The following SH3RF3 variants were observed in gnomAD, a reference collection of about 807,000 sequenced individuals.
The protein encoded by SH3RF3 is SH3 domain containing ring finger 3.
SH3RF3 carries 29 observed loss-of-function variants against 66.3 expected under a neutral mutation model. That is an observed-to-expected ratio of 0.44 (90% CI 0.33 to 0.60). The LOEUF (loss-of-function observed/expected upper bound fraction) is 0.60, where lower values mean the gene tolerates loss of function less well. Ranked by LOEUF, SH3RF3 falls within the 20% of genes least tolerant of loss-of-function variation. The pLI, the probability that SH3RF3 is intolerant of heterozygous loss-of-function variation, is 0.04. For missense variants in SH3RF3, 1,194 were observed against 1,190.9 expected (o/e 1.00, Z -0.04); for synonymous variants, 583 against 532.0 (o/e 1.10, Z -1.32).
chr2:109,364,910 G>C (rs1316632369), intron 2 of SH3RF3, among the ~76,000 whole-genome samples: 1 of 152,168 alleles, frequency 6.6e-6, no homozygotes, highest in Non-Finnish European at 1.5e-5. Context: ...GGCCAACATG[G>C]TGAAACCTTG....
At chr2:109,241,540 T>C (rs186380709) in intron 1 of SH3RF3, among the ~76,000 whole-genome samples, 49 of 152,186 alleles carry the variant, frequency 3.2e-4, no homozygotes, top group African/African-American at 1.1e-3. Flanking sequence ...TAACCATCCG[T>C]CCTCCCTCCC....
chr2:109,163,838 A>G (rs543937776), intron 1 of SH3RF3, among the ~76,000 whole-genome samples: 6 of 152,330 alleles, frequency 3.9e-5, no homozygotes, highest in South Asian at 2.1e-4. Flanking sequence ...TGTGTTTTCC[A>G]TGATCTCTCT....
intron 3 of SH3RF3, among the ~76,000 whole-genome samples, chr2:109,381,745 A>C (rs1275715140): frequency 1.3e-5 from 2 of 152,128 alleles, no homozygotes; most frequent in East Asian, 3.9e-4. Flanking sequence ...AGTCTCTGAC[A>C]TGGAACGAAG....
intron 3 of SH3RF3, among the ~76,000 whole-genome samples, chr2:109,392,609 G>C (rs945499684): frequency 4.3e-4 from 66 of 152,174 alleles, no homozygotes; most frequent in African/African-American, 1.4e-3. Flanking sequence ...CCGCCTCGTG[G>C]GTTCACGCCA....
At chr2:109,221,769 A>G (rs892794235) in intron 1 of SH3RF3, among the ~76,000 whole-genome samples, 5 of 152,116 alleles carry the variant, frequency 3.3e-5, no homozygotes, top group African/African-American at 1.2e-4. Flanking sequence ...GAACATAAAT[A>G]AGGCAGCCAC....
intron 8 of SH3RF3, among the ~76,000 whole-genome samples, chr2:109,464,708 G>T (rs761341474): frequency 9.0e-4 from 137 of 152,246 alleles, no homozygotes; most frequent in Non-Finnish European, 1.3e-3. Flanking sequence ...AGAAAATGCA[G>T]AAAGTCCTCA....
intron 1 of SH3RF3, among the ~76,000 whole-genome samples, chr2:109,209,268 G>A (rs1230326157): frequency 6.6e-6 from 1 of 152,176 alleles, no homozygotes; most frequent in Non-Finnish European, 1.5e-5. Context: ...CACATTCAGA[G>A]ATTCCCTTGT....
chr2:109,170,728 G>T (rs1013982316), intron 1 of SH3RF3, among the ~76,000 whole-genome samples: 2 of 152,184 alleles, frequency 1.3e-5, no homozygotes, highest in Admixed American at 6.5e-5. Flanking sequence ...TATTTGTTGG[G>T]CATTGACCAT....
chr2:109,261,696 G>A (rs1230501705), intron 1 of SH3RF3, among the ~76,000 whole-genome samples: 1 of 152,184 alleles, frequency 6.6e-6, no homozygotes. Flanking sequence ...GACTCTTATT[G>A]AATTGGGTGT....
intron 1 of SH3RF3, among the ~76,000 whole-genome samples, chr2:109,306,488 A>G (rs1020243040): frequency 3.3e-5 from 5 of 152,166 alleles, no homozygotes; most frequent in African/African-American, 9.7e-5. Context: ...AGCAGGTGCC[A>G]TGGAGGGGCA....
At chr2:109,194,447 G>C (rs1471097706) in intron 1 of SH3RF3, among the ~76,000 whole-genome samples, 2 of 152,232 alleles carry the variant, frequency 1.3e-5, no homozygotes, top group Non-Finnish European at 2.9e-5. Context: ...GCTGGCTGAT[G>C]GCAGCTGTGT....
intron 2 of SH3RF3, among the ~76,000 whole-genome samples, chr2:109,351,604 T>C (rs1682839944): frequency 6.6e-6 from 1 of 152,248 alleles, no homozygotes; most frequent in South Asian, 2.1e-4. Context: ...GGGCCCACGC[T>C]GCTTTTCATG....
chr2:109,321,056 T>C (rs558069236), intron 1 of SH3RF3, among the ~76,000 whole-genome samples: 2 of 152,228 alleles, frequency 1.3e-5, no homozygotes, highest in Admixed American at 1.3e-4. Context: ...TGATAACTTA[T>C]AGACATGTAA....
At chr2:109,279,237 T>C (rs998222270) in intron 1 of SH3RF3, among the ~76,000 whole-genome samples, 1 of 152,216 alleles carries the variant, frequency 6.6e-6, no homozygotes, top group Admixed American at 6.5e-5. Flanking sequence ...AGAGCCCTGC[T>C]GACTTCTGAA....
At chr2:109,165,779 A>G (rs75714194) in intron 1 of SH3RF3, among the ~76,000 whole-genome samples, 4,245 of 152,178 alleles carry the variant, frequency 0.028, 200 homozygotes, top group African/African-American at 0.097. Flanking sequence ...CTTAAGAATC[A>G]TCATTTAGCA....
chr2:109,170,823 T>A (rs1216937051), intron 1 of SH3RF3, among the ~76,000 whole-genome samples: 4 of 152,220 alleles, frequency 2.6e-5, no homozygotes, highest in African/African-American at 9.6e-5. Context: ...GGGCATAGTT[T>A]ACCTGTGAAC....
chr2:109,417,553 G>C (rs1676758566), intron 4 of SH3RF3, among the ~76,000 whole-genome samples: 1 of 152,128 alleles, frequency 6.6e-6, no homozygotes, highest in Non-Finnish European at 1.5e-5. Flanking sequence ...CCTCAGCCAG[G>C]CACAGGACCC....
rs893777791 is a variant in SH3RF3, at chr2:109,301,338, G to A, written c.574-46336G>A. Among the ~76,000 whole-genome samples, 3 of 52,200 alleles carry A rather than the reference G, an allele frequency of 5.7e-5. No homozygotes were observed. The African/African-American group carries it at 1.4e-3, about 24-fold the overall frequency. The allele number at this position is 52,200 out of a possible 152,430, so 34.2% of individuals were successfully genotyped here. On this transcript the variant is annotated intron_variant, in intron 1 of 9. Transcript: ENST00000309415. ...GGCGGGCTGTGTATCTGTGTGACGT[G>A]TGTGTGTGTGTGTGTTTGTGTATGT... is the stretch of plus-strand genomic sequence containing the variant.
intron 1 of SH3RF3, among the ~76,000 whole-genome samples, chr2:109,221,872 A>G (rs984891741): frequency 6.6e-6 from 1 of 152,210 alleles, no homozygotes; most frequent in African/African-American, 2.4e-5. Context: ...TCCAAAGGAA[A>G]AGAAATCAGT....
Sources: allele counts gnomAD v4.1 joint callset (sites outside exome capture counted in the v4.1 genomes callset), GRCh38; gene constraint gnomAD v4.1.1; transcripts MANE v1.5; gene names NCBI Gene and HGNC (gene_info 2026-07-23, HGNC 2026-07-21).